Variants in SOS1 observed in about 807,000 individuals in gnomAD.
The protein encoded by SOS1 is SOS Ras/Rac guanine nucleotide exchange factor 1.
SOS1 carries 25 observed loss-of-function variants against 157.6 expected under a neutral mutation model. The ratio of observed to expected loss-of-function variants is 0.16; its 90% confidence interval spans 0.12 to 0.22. SOS1 has a LOEUF of 0.22. Among genes scored for constraint, SOS1 ranks in the 10% least tolerant of loss-of-function variants. SOS1 has a pLI of 1.00. For missense variants in SOS1, 1,237 were observed against 1,599.1 expected (o/e 0.77, Z 3.86); for synonymous variants, 528 against 534.0 (o/e 0.99, Z 0.16).
intron 20 of SOS1, chr2:38,993,573 C>T (rs1454142384): frequency 6.6e-6 from 1 of 152,120 alleles, no homozygotes; most frequent in Non-Finnish European, 1.5e-5. Flanking sequence ...AAATAATATA[C>T]TACCAAAGAA....
intron 1 of SOS1, among the ~76,000 whole-genome samples, chr2:39,093,042 T>G (rs1446211974): frequency 6.6e-6 from 1 of 152,180 alleles, no homozygotes; most frequent in Non-Finnish European, 1.5e-5. Context: ...TATACAAAGA[T>G]GTCAAAAAAT....
At chr2:39,112,857 G>A (rs746722506) in intron 1 of SOS1, among the ~76,000 whole-genome samples, 1 of 152,036 alleles carries the variant, frequency 6.6e-6, no homozygotes, top group African/African-American at 2.4e-5. Flanking sequence ...TGGGCAACAT[G>A]GTAAAACCCT....
intron 1 of SOS1, among the ~76,000 whole-genome samples, chr2:39,088,579 A>C (rs911908914): frequency 3.3e-5 from 5 of 152,026 alleles, no homozygotes; most frequent in Admixed American, 6.6e-5. Context: ...ATCATATAGT[A>C]TTTGTCCTTT....
chr2:39,080,160 T>C (rs1672152584), intron 1 of SOS1, among the ~76,000 whole-genome samples: 1 of 152,020 alleles, frequency 6.6e-6, no homozygotes, highest in Non-Finnish European at 1.5e-5. Context: ...GTGCTTGTTT[T>C]TCTGCAACTA....
intron 2 of SOS1, among the ~76,000 whole-genome samples, chr2:39,067,395 C>A (rs910839660): frequency 1.3e-5 from 2 of 151,834 alleles, no homozygotes; most frequent in Admixed American, 1.3e-4. Flanking sequence ...GATGCTCAAC[C>A]AGTAAATATA....
At position 39,035,466 on chromosome 2, in the gene SOS1, C is replaced by T. The variant is rs754374236; in HGVS notation, c.899G>A (p.Arg300Gln). The T allele has an allele frequency of 2.0e-5, 33 of 1,613,378 alleles. 1 individual carries two copies. In the Middle Eastern group the frequency reaches 1.3e-3, roughly 65 times the overall value. ...ATGAAAACCAGGTCGCAAAATATCT[C>T]GAGCATACGATTCATATGGATCAAA... is the stretch of plus-strand genomic sequence containing the variant. ...LAFDPYESYA[R>Q]DILRPGFHDR... is the part of the protein sequence containing the mutation. Residue 300 changes from arginine to glutamine, a missense_variant, in exon 7 of 23, where the codon CGA becomes CAA. This residue lies in a region of SOS1 where 101 missense variants were observed against 171.5 expected (regional missense o/e 0.59). Transcript: ENST00000402219.
In SOS1 at chr2:39,069,190, C is replaced by CAAAAAAAAAAAA. The variant is rs869178369; in HGVS notation, c.88-1449_88-1438dup. On this transcript the variant is annotated intron_variant, in intron 1 of 22. Coordinates refer to ENST00000402219, the MANE Select transcript of SOS1 (RefSeq NM_005633.4). ...GGGAAAACCTGTCTCTACCAAAAAG[C>CAAAAAAAAAAAA]AAAAAAAAAAAAAAAAAAAAAAAAA... 2.4e-4 allele frequency among the ~76,000 whole-genome samples: 11 copies of CAAAAAAAAAAAA among 46,758 alleles called. 1 individual carries two copies. Among genetic ancestry groups the CAAAAAAAAAAAA allele is most frequent in the African/African-American group, 3.4e-4 (5 of 14,718 alleles). 30.7% of individuals were successfully genotyped at this position (46,758 alleles called of 152,430 possible). A position where few individuals can be genotyped will look rare whatever the true frequency, so the allele number is the denominator to read the frequency against.
At chr2:39,022,426 T>C in intron 10 of SOS1, 144 bp downstream of exon 10, 3 of 671,168 alleles carry the variant, frequency 4.5e-6, no homozygotes, top group Non-Finnish European at 7.9e-6. Flanking sequence ...TCCAAAGAAA[T>C]ATAAAGTGGG....
At chr2:39,022,102 TTTA>T (rs1238933503) in intron 10 of SOS1, among the ~76,000 whole-genome samples, 9 of 151,774 alleles carry the variant, frequency 5.9e-5, no homozygotes, top group African/African-American at 2.2e-4. Context: ...GATTGCAACA[TTTA>T]TTATTAAATA....
At chr2:39,018,241 T>G (rs1669689963) in intron 10 of SOS1, among the ~76,000 whole-genome samples, 1 of 151,764 alleles carries the variant, frequency 6.6e-6, no homozygotes, top group African/African-American at 2.4e-5. Flanking sequence ...GTGGAGATAA[T>G]TCCACAAAAT....
At position 39,035,367 on chromosome 2, in the gene SOS1, T is replaced by C. The variant is rs372491999; in HGVS notation, c.975+23A>G. ...AAGTTTACTTTTCAGACATTGTACA[T>C]CTTCATTTAAAAATTACTATACCTG... On this transcript the variant is annotated intron_variant, in intron 7 of 22. Transcript: ENST00000402219. 1.0e-5 allele frequency: 16 copies of C among 1,600,074 alleles called. No homozygotes were observed. The South Asian group carries it at 1.3e-4, about 13-fold the overall frequency.
chr2:39,053,175 C>CCA (rs1671082490), intron 5 of SOS1, among the ~76,000 whole-genome samples: 1 of 152,036 alleles, frequency 6.6e-6, no homozygotes, highest in Admixed American at 6.6e-5. Context: ...AGAGAGAGAA[C>CCA]CACCAAACTG....
chr2:39,041,209 C>T (rs1670557384), intron 6 of SOS1, among the ~76,000 whole-genome samples: 1 of 152,154 alleles, frequency 6.6e-6, no homozygotes, highest in Non-Finnish European at 1.5e-5. Context: ...AGGTGCACAC[C>T]ACCATCCTGG....
Position 39,054,776 on chromosome 2 carries a change from T to C in SOS1, c.558A>G (p.Leu186=), listed in dbSNP as rs377649024. 1.3e-6 allele frequency: 2 copies of C among 1,568,098 alleles called. No homozygotes were observed. Among genetic ancestry groups the C allele is most frequent in the South Asian group, 1.1e-5 (1 of 90,008 alleles). The change falls in exon 5 of 23, where the codon TTA becomes TTG. Residue 186 remains leucine (L), a synonymous_variant. Coordinates refer to ENST00000402219, the MANE Select transcript of SOS1 (RefSeq NM_005633.4). ...TGGAAGGCTCTTCGTCAGTTAAAGA[T>C]AATATATTAATATCTTCTACATCTT... ...FHQDVEDINI[L]SLTDEEPSTS...
At chr2:39,000,375 G>A (rs1669051431) in intron 17 of SOS1, among the ~76,000 whole-genome samples, 1 of 151,980 alleles carries the variant, frequency 6.6e-6, no homozygotes, top group Non-Finnish European at 1.5e-5. Context: ...GCGTATATGT[G>A]TGTATGTATA....
chr2:39,003,541 T>C (rs1669180352), intron 17 of SOS1, among the ~76,000 whole-genome samples: 2 of 152,248 alleles, frequency 1.3e-5, no homozygotes, highest in African/African-American at 2.4e-5. Context: ...TGATTAAATA[T>C]TTAGAAAACC....
In SOS1 at chr2:38,995,377, T is replaced by C. The variant is rs1668861106; in HGVS notation, c.3092A>G (p.Tyr1031Cys). 6.2e-7 allele frequency: 1 copy of C among 1,613,292 alleles called. No homozygotes were observed. The highest frequency in any genetic ancestry group is 8.5e-7 in the Non-Finnish European group (1 of 1,179,396). The change falls in exon 20 of 23, where the codon TAT becomes TGT. Residue 1031 changes from tyrosine to cysteine, a missense_variant. Tyr to Cys is a radical substitution (Grantham distance 194). Coordinates refer to ENST00000402219, the MANE Select transcript of SOS1 (RefSeq NM_005633.4). Reference protein sequence around the residue: ...PKPLPRFPKKYSYPLKSPGVR... With the variant: ...PKPLPRFPKKCSYPLKSPGVR... ...ACCAGGAGATTTTAGGGGATAGCTA[T>C]ATTTTTTTGGCTGTAGACATATCAA...
At chr2:39,044,213 C>G (rs761402873) in intron 6 of SOS1, among the ~76,000 whole-genome samples, 3 of 152,054 alleles carry the variant, frequency 2.0e-5, no homozygotes, top group Admixed American at 6.6e-5. Flanking sequence ...GAAGATTAGC[C>G]AAAAGTGGTG....
At chr2:39,080,988 C>A (rs572500974) in intron 1 of SOS1, among the ~76,000 whole-genome samples, 6 of 151,840 alleles carry the variant, frequency 4.0e-5, no homozygotes, top group Admixed American at 3.9e-4. Context: ...GAGTTCAAGA[C>A]CTGCCTGGGC....
Sources: allele counts gnomAD v4.1 joint callset (sites outside exome capture counted in the v4.1 genomes callset), GRCh38; gene constraint gnomAD v4.1.1; regional missense constraint gnomAD v4.1.1; transcripts MANE v1.5; gene names NCBI Gene and HGNC (gene_info 2026-07-23, HGNC 2026-07-21).